AGAP1: variants seen among roughly 807,000 people sequenced by gnomAD.
AGAP1 encodes arf-GAP with GTPase, ANK repeat and PH domain-containing protein 1.
Under a neutral mutation model 105.3 loss-of-function variants are expected in AGAP1, and 29 were observed. The observed-to-expected ratio is 0.28, with a 90% CI of 0.21 to 0.38. The LOEUF is 0.38. Ranked by LOEUF, AGAP1 falls within the 10% of genes least tolerant of loss-of-function variation. The pLI is 1.00. For synonymous variants in AGAP1, 509 were observed against 485.9 expected (o/e 1.05, Z -0.63); for missense variants, 998 against 1,165.1 (o/e 0.86, Z 2.09).
chr2:236,099,707 A>G (rs761591101), intron 16 of AGAP1, among the ~76,000 whole-genome samples: 1 of 152,120 alleles, frequency 6.6e-6, no homozygotes, highest in Non-Finnish European at 1.5e-5. Context: ...TGGGCTCTCC[A>G]GGATCAGCTA....
At position 235,655,547 on chromosome 2, in the gene AGAP1, C is replaced by T. The variant is rs141622771; in HGVS notation, c.164-53632C>T. ...TTCACCAGTATAATACTCCCCACTCCTAGTTGGGAATATCTAACCTGTGTT... is the reference window on the plus strand; with the variant it reads ...TTCACCAGTATAATACTCCCCACTCTTAGTTGGGAATATCTAACCTGTGTT... On this transcript the variant is annotated intron_variant, in intron 1 of 17. Coordinates refer to ENST00000304032, the MANE Select transcript of AGAP1 (RefSeq NM_001037131.3). The surrounding 1 kb of genome is among the most constrained non-coding windows in gnomAD (Gnocchi z 4.3). 3.1e-3 allele frequency among the ~76,000 whole-genome samples: 468 copies of T among 152,248 alleles called. 3 individuals are homozygous for T. Among genetic ancestry groups the T allele is most frequent in the African/African-American group, 0.01 (429 of 41,542 alleles).
intron 8 of AGAP1, among the ~76,000 whole-genome samples, chr2:235,805,728 G>T (rs1957803961): frequency 6.6e-6 from 1 of 152,136 alleles, no homozygotes; most frequent in African/African-American, 2.4e-5. Context: ...CCTTGACAAA[G>T]AATTGATAAA....
chr2:235,709,226 G>A lies in AGAP1; in HGVS notation c.211G>A (p.Glu71Lys), dbSNP rs765209773. ...ATGGACGCTGAGTCGATCTGTCCCG[G>A]AGCTCAAAGTGGTGAGTGGTTCCCT... ...QEWTLSRSVP[E>K]LKVGIVGNLA... The change falls in exon 2 of 18, where the codon GAG becomes AAG. Residue 71 changes from glutamate to lysine, a missense_variant. Physicochemically the swap from Glu to Lys is moderately conservative, Grantham distance 56. Transcript: ENST00000304032. 5.0e-6 allele frequency: 8 copies of A among 1,613,960 alleles called. No homozygotes were observed. In the East Asian group the frequency reaches 1.8e-4, roughly 36 times the overall value.
Position 235,944,002 on chromosome 2 carries a change from G to T in AGAP1, c.1483+13079G>T, listed in dbSNP as rs192505511. Among the ~76,000 whole-genome samples the T allele has an allele frequency of 1.6e-3, 244 of 152,160 alleles. 1 individual carries two copies. Among genetic ancestry groups the T allele is most frequent in the Non-Finnish European group, 2.4e-3 (160 of 68,004 alleles). ...AATTTTATATCACACAGAAGCAGAT[G>T]GTTATTTTTAATGACTTAAAATTTT... On this transcript the variant is annotated intron_variant, in intron 12 of 17. Transcript: ENST00000304032.
At chr2:236,116,651 G>A (rs572867923) in intron 16 of AGAP1, among the ~76,000 whole-genome samples, 418 of 152,220 alleles carry the variant, frequency 2.7e-3, no homozygotes, top group Middle Eastern at 0.014. Context: ...GGCCAGCCAT[G>A]AGTAAATTCT....
chr2:236,103,220 G>T (rs933119971), intron 16 of AGAP1, among the ~76,000 whole-genome samples: 3 of 152,100 alleles, frequency 2.0e-5, no homozygotes, highest in Non-Finnish European at 2.9e-5. Context: ...TCCGCCCACT[G>T]CCTCCCAGAA....
chr2:235,871,617 A>T (rs1310355714), intron 9 of AGAP1, among the ~76,000 whole-genome samples: 1 of 152,162 alleles, frequency 6.6e-6, no homozygotes, highest in African/African-American at 2.4e-5. Context: ...GCAGTACAGG[A>T]TGCTAATTCT....
chr2:235,724,343 C>A lies in AGAP1; in HGVS notation c.310+6699C>A, dbSNP rs1951543548. The stretch of plus-strand genomic sequence containing the variant: ...CCTCCAGCCCCATGTCCAGGCTCTC[C>A]CATCTTCCCAGCTCGGGCCACACAT... On this transcript the variant is annotated intron_variant, in intron 3 of 17. Coordinates refer to ENST00000304032, the MANE Select transcript of AGAP1 (RefSeq NM_001037131.3). The surrounding 1 kb of genome is among the most constrained non-coding windows in gnomAD (Gnocchi z 4.9). Among the ~76,000 whole-genome samples, 1 of 152,200 alleles carries A rather than the reference C, an allele frequency of 6.6e-6. No individual in the cohort carries two copies. Among genetic ancestry groups the A allele is most frequent in the East Asian group, 1.9e-4 (1 of 5,196 alleles).
intron 16 of AGAP1, among the ~76,000 whole-genome samples, chr2:236,071,544 G>A (rs1388413473): frequency 6.6e-6 from 1 of 152,218 alleles, no homozygotes; most frequent in African/African-American, 2.4e-5. Flanking sequence ...AGACCCTTAT[G>A]TGTGCTGTGT....
At chr2:235,542,383 A>G (rs1429858184) in intron 1 of AGAP1, among the ~76,000 whole-genome samples, 1 of 152,232 alleles carries the variant, frequency 6.6e-6, no homozygotes, top group Non-Finnish European at 1.5e-5. Flanking sequence ...AAAGGAAGCA[A>G]TCAATGGAGC....
At chr2:235,511,225 C>G (rs1051295908) in intron 1 of AGAP1, among the ~76,000 whole-genome samples, 1 of 151,946 alleles carries the variant, frequency 6.6e-6, no homozygotes, top group African/African-American at 2.4e-5. Context: ...CTGTGACCCC[C>G]TCAGCCTCTG....
rs1361372276 is a variant in AGAP1, at chr2:235,997,123, C to G, written c.1645+28500C>G. Reference sequence around the variant, plus strand: ...GTTGTTGTTGTTACGGAGTTTCACTCTTGTTGCCCAGACTGTAGTGCCACG... The same window carrying G: ...GTTGTTGTTGTTACGGAGTTTCACTGTTGTTGCCCAGACTGTAGTGCCACG... On this transcript the variant is annotated intron_variant, in intron 13 of 17. Transcript: ENST00000304032. Among the ~76,000 whole-genome samples, 7 of 152,310 alleles carry G rather than the reference C, an allele frequency of 4.6e-5. No individual in the cohort carries two copies. In the East Asian group the frequency reaches 1.4e-3, roughly 29 times the overall value.
chr2:236,100,025 G>A (rs752940861), intron 16 of AGAP1, among the ~76,000 whole-genome samples: 1 of 152,094 alleles, frequency 6.6e-6, no homozygotes, highest in Non-Finnish European at 1.5e-5. Context: ...GAGCAATAGA[G>A]CAAGACTCCA....
chr2:235,951,941 T>C lies in AGAP1; in HGVS notation c.1484-16521T>C, dbSNP rs2125267875. 6.6e-6 allele frequency among the ~76,000 whole-genome samples: 1 copy of C among 152,330 alleles called. No individual in the cohort carries two copies. Among genetic ancestry groups the C allele is most frequent in the African/African-American group, 2.4e-5 (1 of 41,572 alleles). Reference sequence around the variant, plus strand: ...CTGATCTACTCATTTACCATCTGGTTTGGGGAACCTTCTGTCATCCTACCT... The same window carrying C: ...CTGATCTACTCATTTACCATCTGGTCTGGGGAACCTTCTGTCATCCTACCT... On this transcript the variant is annotated intron_variant, in intron 12 of 17. Coordinates refer to ENST00000304032, the MANE Select transcript of AGAP1 (RefSeq NM_001037131.3). This position sits in a 1 kb window ranked among gnomAD's most constrained non-coding sequence, Gnocchi z 4.2.
intron 1 of AGAP1, among the ~76,000 whole-genome samples, chr2:235,686,665 A>ATATT (rs1369766503): frequency 2.6e-4 from 20 of 77,484 alleles, no homozygotes; most frequent in African/African-American, 9.7e-4. Context: ...ATATATATAT[A>ATATT]TTTTTTTTTT....
intron 12 of AGAP1, among the ~76,000 whole-genome samples, chr2:235,938,598 C>T (rs946346958): frequency 3.3e-5 from 5 of 152,144 alleles, no homozygotes; most frequent in East Asian, 3.9e-4. Context: ...ACAGGAGTAC[C>T]GGACCTGGTG....
At position 235,836,438 on chromosome 2, in the gene AGAP1, T is replaced by C. The variant is rs377007473; in HGVS notation, c.1050+29107T>C. Among the ~76,000 whole-genome samples the C allele has an allele frequency of 2.0e-4, 30 of 152,258 alleles. 1 individual carries two copies. The East Asian group carries it at 5.8e-3, about 29-fold the overall frequency. ...TGTAGGAAATGCATCCACTCCCTTG[T>C]GGGAATGCTGCTGACTTTTGAAAGC... On this transcript the variant is annotated intron_variant, in intron 9 of 17. Transcript: ENST00000304032.
chr2:235,546,694 C>T (rs531352046), intron 1 of AGAP1, among the ~76,000 whole-genome samples: 1 of 152,062 alleles, frequency 6.6e-6, no homozygotes, highest in African/African-American at 2.4e-5. Context: ...TGTCTTCTCA[C>T]CGGCCGGTTT....
intron 1 of AGAP1, among the ~76,000 whole-genome samples, chr2:235,637,530 C>T (rs1278182463): frequency 1.3e-5 from 2 of 151,976 alleles, no homozygotes; most frequent in African/African-American, 2.4e-5. Context: ...TATCCTCCTG[C>T]CTCAGCCTCC....
Sources: gnomAD v4.1 joint callset for allele counts (sites outside exome capture counted in the v4.1 genomes callset) on GRCh38, gnomAD v4.1.1 for gene constraint, Gnocchi (gnomAD v3.1) non-coding constraint, MANE v1.5 for transcripts, NCBI Gene and HGNC (gene_info 2026-07-23, HGNC 2026-07-21) for gene names.